The following PRAMEF11 variants were observed in gnomAD, a reference collection of about 807,000 sequenced individuals.
PRAMEF11 encodes the protein PRAME family member 11.
In PRAMEF11, 17 loss-of-function variants were observed where a neutral mutation model predicts 33.6. The observed-to-expected ratio is 0.51, with a 90% CI of 0.35 to 0.76. The LOEUF is 0.76. PRAMEF11 is among the 30% of genes least tolerant of loss of function. The pLI, the probability that PRAMEF11 is intolerant of heterozygous loss-of-function variation, is 0.01. For missense variants in PRAMEF11, 568 were observed against 567.0 expected (o/e 1.00, Z -0.02); for synonymous variants, 205 against 227.3 (o/e 0.90, Z 0.88).
At position 12,824,973 on chromosome 1, in the gene PRAMEF11, T is replaced by TA. The variant is rs1387510693; in HGVS notation, c.1405dup (p.Tyr469LeufsTer2). The TA allele has an allele frequency of 1.2e-6, 2 of 1,609,452 alleles. 1 individual carries two copies. The highest frequency in any genetic ancestry group is 2.7e-5 in the African/African-American group (2 of 74,590). ...GCAGTATTGATCTGCCTCCAGGTCATAAAATGACCTGTCGCCATGGTCAGG... is the reference window on the plus strand; with the variant it reads ...GCAGTATTGATCTGCCTCCAGGTCATAAAAATGACCTGTCGCCATGGTCAGG... On this transcript the variant is annotated frameshift_variant, in exon 4 of 4. Transcript: ENST00000619922. LOFTEE classifies it high-confidence loss of function.
Position 12,825,294 on chromosome 1 carries a change from C to T in PRAMEF11, c.1085G>A (p.Cys362Tyr). ...ATLEYLDLDD[C>Y]GIIDSQVNAI... is the part of the protein sequence containing the mutation. ...GTTGACTTGGGAGTCTATGATGCCACAGTCATCTAAATCCAGGTACTCAAG... is the reference window on the plus strand; with the variant it reads ...GTTGACTTGGGAGTCTATGATGCCATAGTCATCTAAATCCAGGTACTCAAG... The change falls in exon 4 of 4, where the codon TGT (cysteine) becomes TAT (tyrosine). Residue 362 changes from cysteine to tyrosine, a missense_variant. Transcript: ENST00000619922. 5 of 1,599,108 alleles carry T rather than the reference C, an allele frequency of 3.1e-6. 1 individual carries two copies. The highest frequency in any genetic ancestry group is 4.5e-5 in the East Asian group (2 of 44,162).
In PRAMEF11 at chr1:12,827,686, C is replaced by T. The variant is rs765633437; in HGVS notation, c.438G>A (p.Arg146=). The change falls in exon 3 of 4, where the codon CGG becomes CGA. Residue 146 remains arginine (R), a synonymous_variant. Transcript: ENST00000619922. The part of the protein sequence containing the change: ...PVQDCPRMRG[R]QPLTVFVELW... ...GTTCTACAAACACAGTCAAGGGCTG[C>T]CGTCCTCTCATCCTTGGACAGTCCT... is the stretch of plus-strand genomic sequence containing the variant. 12 of 1,609,908 alleles carry T rather than the reference C, an allele frequency of 7.5e-6. 1 individual carries two copies. The highest frequency in any genetic ancestry group is 1.0e-5 in the Non-Finnish European group (12 of 1,177,864).
At chr1:12,826,363 C>G (rs183750354) in intron 3 of PRAMEF11, among the ~76,000 whole-genome samples, 1 of 151,282 alleles carries the variant, frequency 6.6e-6, no homozygotes, top group African/African-American at 2.4e-5. Flanking sequence ...TTCATGTTCA[C>G]CAAACTGTGG....
At chr1:12,827,925 T>A (rs1639910638) in intron 2 of PRAMEF11, 95 bp from the exon 3 acceptor site, 6 of 1,580,662 alleles carry the variant, frequency 3.8e-6, no homozygotes, top group Non-Finnish European at 4.3e-6. Flanking sequence ...TCCCTGCTTG[T>A]TGTCCCTCTC....
At chr1:12,830,528 G>GT (rs1012322041) in intron 1 of PRAMEF11, among the ~76,000 whole-genome samples, 2 of 151,066 alleles carry the variant, frequency 1.3e-5, no homozygotes, top group Non-Finnish European at 3.0e-5. Flanking sequence ...TTTTGTTTTT[G>GT]TTTTTTGGAC....
chr1:12,828,852 C>A, intron 1 of PRAMEF11, 47 bp from the exon 2 acceptor site: 1 of 1,602,860 alleles, frequency 6.2e-7, no homozygotes, highest in Admixed American at 1.7e-5. Flanking sequence ...TCAGGCCAAG[C>A]CCATGCAATC....
At chr1:12,831,187 T>C (rs1639999562) in intron 1 of PRAMEF11, among the ~76,000 whole-genome samples, 169 bp downstream of exon 1, 1 of 150,618 alleles carries the variant, frequency 6.6e-6, no homozygotes. Context: ...TTTTTTGAAA[T>C]AAAGACAGAA....
chr1:12,830,414 C>G (rs535609678), intron 1 of PRAMEF11, among the ~76,000 whole-genome samples: 3 of 151,196 alleles, frequency 2.0e-5, no homozygotes, highest in African/African-American at 7.3e-5. Flanking sequence ...CAGCCTTCCA[C>G]GTAGCTGGGA....
intron 1 of PRAMEF11, 46 bp from the exon 2 acceptor site, chr1:12,828,851 G>A (rs1639940041): frequency 6.2e-7 from 1 of 1,603,528 alleles, no homozygotes; most frequent in Non-Finnish European, 8.5e-7. Flanking sequence ...CTCAGGCCAA[G>A]CCCATGCAAT....
chr1:12,826,051 A>C (rs1639858391), intron 3 of PRAMEF11, among the ~76,000 whole-genome samples: 2 of 150,342 alleles, frequency 1.3e-5, no homozygotes, highest in African/African-American at 4.9e-5. Flanking sequence ...GATCAAGTTC[A>C]CAGAATCCCT....
chr1:12,829,408 C>T (rs1240883065), intron 1 of PRAMEF11, among the ~76,000 whole-genome samples: 1 of 149,916 alleles, frequency 6.7e-6, no homozygotes, highest in Non-Finnish European at 1.5e-5. Flanking sequence ...CTCTCTCCCT[C>T]TCTCACTCTC....
At chr1:12,829,047 C>G (rs1639950585) in intron 1 of PRAMEF11, among the ~76,000 whole-genome samples, 1 of 151,568 alleles carries the variant, frequency 6.6e-6, no homozygotes, top group South Asian at 2.1e-4. Flanking sequence ...ATCCAGTGCT[C>G]CATCCAGTGA....
At chr1:12,826,778 C>A (rs1282713058) in intron 3 of PRAMEF11, among the ~76,000 whole-genome samples, 1 of 150,164 alleles carries the variant, frequency 6.7e-6, no homozygotes, top group African/African-American at 2.5e-5. Context: ...AAAAAGTTAT[C>A]TTGTTTGATT....
intron 1 of PRAMEF11, among the ~76,000 whole-genome samples, chr1:12,829,696 C>T (rs1639966702): frequency 6.6e-6 from 1 of 151,328 alleles, no homozygotes; most frequent in Non-Finnish European, 1.5e-5. Context: ...AGGTGTGAGC[C>T]TCCGCCCCAG....
intron 1 of PRAMEF11, among the ~76,000 whole-genome samples, chr1:12,830,628 C>G (rs1265082706): frequency 1.3e-5 from 2 of 150,788 alleles, no homozygotes; most frequent in Non-Finnish European, 3.0e-5. Context: ...AAGTGATTCT[C>G]CCACACCAGC....
Position 12,828,131 on chromosome 1 carries a change from A to G in PRAMEF11, c.294-301T>C, listed in dbSNP as rs55665110. Among the ~76,000 whole-genome samples the G allele has an allele frequency of 2.7e-3, 394 of 146,538 alleles. 7 individuals are homozygous for G. The highest frequency in any genetic ancestry group is 3.3e-3 in the East Asian group (15 of 4,554). On this transcript the variant is annotated intron_variant, in intron 2 of 3. Transcript: ENST00000619922. The stretch of plus-strand genomic sequence containing the variant: ...CTCACAAGTAGCTGGGATTACAGGA[A>G]CCCACCACCATGCCCAGCTAATTTT...
Position 12,826,282 on chromosome 1 carries a change from A to G in PRAMEF11, c.876-779T>C, listed in dbSNP as rs556290514. On this transcript the variant is annotated intron_variant, in intron 3 of 3. Transcript: ENST00000619922. ...CCCTGACCCTCTGTTTCAGAATCAT[A>G]CATTTCCTAGGTAATTAATTTACCT... Among the ~76,000 whole-genome samples, 206 of 148,486 alleles carry G rather than the reference A, an allele frequency of 1.4e-3. 7 individuals are homozygous for G. Among genetic ancestry groups the G allele is most frequent in the African/African-American group, 4.3e-3 (178 of 41,080 alleles).
At chr1:12,829,776 G>T (rs1639968071) in intron 1 of PRAMEF11, among the ~76,000 whole-genome samples, 1 of 150,992 alleles carries the variant, frequency 6.6e-6, no homozygotes, top group Admixed American at 6.6e-5. Flanking sequence ...GGGAGGCTGA[G>T]GTAGGAGGAT....
At chr1:12,826,317 AAG>A (rs1386860688) in intron 3 of PRAMEF11, among the ~76,000 whole-genome samples, 1 of 130,294 alleles carries the variant, frequency 7.7e-6, no homozygotes, top group Non-Finnish European at 1.8e-5. Flanking sequence ...TGGAGCTCAA[AAG>A]AAACTTTTAC....
Sources: allele counts gnomAD v4.1 joint callset (sites outside exome capture counted in the v4.1 genomes callset), GRCh38; gene constraint gnomAD v4.1.1; transcripts MANE v1.5; gene names NCBI Gene and HGNC (gene_info 2026-07-23, HGNC 2026-07-21).